CRBN: variants seen among roughly 807,000 people sequenced by gnomAD.
CRBN encodes protein cereblon.
CRBN carries 53 observed loss-of-function variants against 62.2 expected under a neutral mutation model. That is an observed-to-expected ratio of 0.85 (90% CI 0.68 to 1.07). The LOEUF is 1.07. CRBN is among the 50% of genes least tolerant of loss of function. The pLI is 0.00. For missense variants in CRBN, 616 were observed against 531.1 expected (o/e 1.16, Z -1.57); for synonymous variants, 208 against 176.1 (o/e 1.18, Z -1.43).
At chr3:3,172,584 T>C (rs1193562561) in intron 4 of CRBN, 192 bp downstream of exon 4, 4 of 611,228 alleles carry the variant, frequency 6.5e-6, no homozygotes, top group East Asian at 2.8e-5. Context: ...CAAGCTTCTA[T>C]AGTTTTAAAA....
At chr3:3,163,648 G>A (rs1707221707) in intron 5 of CRBN, among the ~76,000 whole-genome samples, 1 of 152,186 alleles carries the variant, frequency 6.6e-6, no homozygotes, top group Admixed American at 6.5e-5. Flanking sequence ...ACTTGAGTCA[G>A]GAATTAACTA....
intron 1 of CRBN, among the ~76,000 whole-genome samples, chr3:3,178,082 T>A (rs1293643528): frequency 6.6e-6 from 1 of 152,032 alleles, no homozygotes. Flanking sequence ...TGATGACTCA[T>A]CTCATGCAGA....
In CRBN at chr3:3,179,466, C is replaced by G. The variant is rs967139039; in HGVS notation, c.67+155G>C. Among the ~76,000 whole-genome samples, 7 of 152,294 alleles carry G rather than the reference C, an allele frequency of 4.6e-5. 1 individual carries two copies. In the South Asian group the frequency reaches 8.3e-4, roughly 18 times the overall value. On this transcript the variant is annotated intron_variant, in intron 1 of 10. Coordinates refer to ENST00000231948, the MANE Select transcript of CRBN (RefSeq NM_016302.4). The stretch of plus-strand genomic sequence containing the variant: ...AAAGCGCCGCGACTCCATCGCTGGC[C>G]GAGGGCCGACGTGAAGCAGCTTTCC...
intron 4 of CRBN, among the ~76,000 whole-genome samples, chr3:3,170,976 T>C (rs1669326): frequency 0.86 from 130,279 of 151,990 alleles, 58,415 homozygotes; most frequent in South Asian, 0.99. Context: ...CGGCTAACTT[T>C]GTATTTTTAG....
At position 3,179,045 on chromosome 3, in the gene CRBN, G is replaced by C. The variant is rs78782292; in HGVS notation, c.67+576C>G. Among the ~76,000 whole-genome samples the C allele has an allele frequency of 8.8e-4, 134 of 152,328 alleles. 5 individuals are homozygous for C. In the East Asian group the frequency reaches 0.024, roughly 28 times the overall value. On this transcript the variant is annotated intron_variant, in intron 1 of 10. Coordinates refer to ENST00000231948, the MANE Select transcript of CRBN (RefSeq NM_016302.4). ...AAACAAAACAGAGAAGTGGTTTAGA[G>C]ATATAATGACAGACACACCCGGGTT...
In CRBN at chr3:3,166,037, G is replaced by T. The variant is rs114784869; in HGVS notation, c.687+1597C>A. On this transcript the variant is annotated intron_variant, in intron 5 of 10. Coordinates refer to ENST00000231948, the MANE Select transcript of CRBN (RefSeq NM_016302.4). Reference sequence around the variant, plus strand: ...AAAATTTCTCACAGTTCAGTTAAAAGAAACAAGGGTAAACATGTATTTAAA... The same window carrying T: ...AAAATTTCTCACAGTTCAGTTAAAATAAACAAGGGTAAACATGTATTTAAA... Among the ~76,000 whole-genome samples the T allele has an allele frequency of 3.4e-3, 512 of 152,280 alleles. 4 individuals are homozygous for T. The highest frequency in any genetic ancestry group is 0.012 in the African/African-American group (482 of 41,564).
chr3:3,175,228 C>T lies in CRBN; in HGVS notation c.109G>A (p.Asp37Asn). ...TTTGGTTTTTTGGCTTCTTTACTAT[C>T]CTGGTCTTCAACTTCCATTTCATCT... ...EEDEMEVEDQ[D>N]SKEAKKPNII... Residue 37 changes from aspartate to asparagine, a missense_variant, in exon 2 of 11, where the codon GAT (aspartate) becomes AAT (asparagine). Asp to Asn is a conservative substitution (Grantham distance 23). Coordinates refer to ENST00000231948, the MANE Select transcript of CRBN (RefSeq NM_016302.4). 1 of 1,613,440 alleles carries T rather than the reference C, an allele frequency of 6.2e-7. No individual in the cohort carries two copies. The highest frequency in any genetic ancestry group is 8.5e-7 in the Non-Finnish European group (1 of 1,179,592).
chr3:3,156,063 C>T (rs1706878679), intron 6 of CRBN, 156 bp downstream of exon 6: 2 of 678,780 alleles, frequency 2.9e-6, no homozygotes, highest in Non-Finnish European at 5.1e-6. Context: ...CTTGGCCTCC[C>T]AAAGTGCTGG....
intron 1 of CRBN, among the ~76,000 whole-genome samples, chr3:3,175,845 G>A (rs145838304): frequency 2.4e-3 from 359 of 152,258 alleles, no homozygotes; most frequent in African/African-American, 8.2e-3. Flanking sequence ...CTGAGGATAC[G>A]TGTTTTAGGG....
intron 1 of CRBN, among the ~76,000 whole-genome samples, chr3:3,176,477 T>C (rs1324581228): frequency 6.6e-6 from 1 of 152,224 alleles, no homozygotes; most frequent in Non-Finnish European, 1.5e-5. Context: ...GGCTCACACC[T>C]GTAATCCCAG....
At chr3:3,153,631 C>CT in intron 8 of CRBN, 143 bp from the exon 9 acceptor site, 1 of 675,436 alleles carries the variant, frequency 1.5e-6, no homozygotes, top group Non-Finnish European at 2.7e-6. Flanking sequence ...TTCAAAAACA[C>CT]TTTTAAAGAT....
At chr3:3,167,972 A>C (rs1048968912) in intron 4 of CRBN, among the ~76,000 whole-genome samples, 179 bp from the exon 5 acceptor site, 2 of 152,068 alleles carry the variant, frequency 1.3e-5, no homozygotes, top group Admixed American at 6.6e-5. Flanking sequence ...TTATTTCATA[A>C]ATCATACCAA....
At chr3:3,153,133 A>C (rs890880923) in intron 9 of CRBN, 1 of 369,416 alleles carries the variant, frequency 2.7e-6, no homozygotes, top group Non-Finnish European at 5.0e-6. Flanking sequence ...TTAGGGCCTA[A>C]TTGAAGACAG....
chr3:3,159,394 C>A (rs1005543742), intron 5 of CRBN, among the ~76,000 whole-genome samples: 1 of 152,118 alleles, frequency 6.6e-6, no homozygotes, highest in Non-Finnish European at 1.5e-5. Flanking sequence ...TTAAAATATA[C>A]TTCACATATC....
At chr3:3,167,392 A>C (rs1707392239) in intron 5 of CRBN, 1 of 409,206 alleles carries the variant, frequency 2.4e-6, no homozygotes, top group Middle Eastern at 7.2e-4. Flanking sequence ...AAAAGCGATT[A>C]ATATAGCTGA....
In CRBN at chr3:3,167,774, G is replaced by C. The variant is rs766183466; in HGVS notation, c.547C>G (p.Gln183Glu). 1.9e-6 allele frequency: 3 copies of C among 1,613,446 alleles called. No individual in the cohort carries two copies. The highest frequency in any genetic ancestry group is 2.5e-6 in the Non-Finnish European group (3 of 1,179,570). The change falls in exon 5 of 11, where the codon CAA becomes GAA. Residue 183 changes from glutamine to glutamate, a missense_variant. Gln to Glu is a conservative substitution (Grantham distance 29). Transcript: ENST00000231948. ...QSDGIQQAKV[Q>E]ILPECVLPST... The stretch of plus-strand genomic sequence containing the variant: ...GGCAACACACATTCGGGAAGAATTT[G>C]CACTTTAGCTTGCTGGATTCTAAAA...
intron 5 of CRBN, among the ~76,000 whole-genome samples, chr3:3,166,445 T>C (rs1707355104): frequency 6.6e-6 from 1 of 152,178 alleles, no homozygotes; most frequent in Admixed American, 6.5e-5. Flanking sequence ...GGTTATGTCT[T>C]TATCGGCAGC....
At chr3:3,152,149 A>C (rs909618677) in intron 10 of CRBN, among the ~76,000 whole-genome samples, 1 of 68,530 alleles carries the variant, frequency 1.5e-5, no homozygotes, top group Non-Finnish European at 4.4e-5. Context: ...CATTTAAATA[A>C]ATTTTTTTTT....
chr3:3,170,582 C>T (rs149963162), intron 4 of CRBN, among the ~76,000 whole-genome samples: 4 of 152,178 alleles, frequency 2.6e-5, no homozygotes, highest in South Asian at 2.1e-4. Flanking sequence ...CAGAAAAAGA[C>T]GAGACTGAAC....
Sources: gnomAD v4.1 joint callset for allele counts (sites outside exome capture counted in the v4.1 genomes callset) on GRCh38, gnomAD v4.1.1 for gene constraint, MANE v1.5 for transcripts, NCBI Gene and HGNC (gene_info 2026-07-23, HGNC 2026-07-21) for gene names.